SLCO3A1: variants seen among roughly 807,000 people sequenced by gnomAD.
SLCO3A1 encodes the protein PGE1 transporter.
A neutral mutation model predicts 63.1 loss-of-function variants in SLCO3A1; 27 were observed. The observed-to-expected ratio is 0.43, with a 90% CI of 0.32 to 0.59. The LOEUF (loss-of-function observed/expected upper bound fraction) is 0.59. Ranked by LOEUF, SLCO3A1 falls within the 20% of genes least tolerant of loss-of-function variation. SLCO3A1 has a pLI of 0.09. For missense variants in SLCO3A1, 773 were observed against 945.8 expected (o/e 0.82, Z 2.40); for synonymous variants, 473 against 409.9 (o/e 1.15, Z -1.86).
chr15:91,928,048 G>A (rs1053539822), intron 2 of SLCO3A1, among the ~76,000 whole-genome samples: 1 of 152,208 alleles, frequency 6.6e-6, no homozygotes, highest in African/African-American at 2.4e-5. Context: ...AGGCTATTAG[G>A]CAGTACATAG....
intron 2 of SLCO3A1, among the ~76,000 whole-genome samples, chr15:91,963,496 C>T (rs1260497008): frequency 6.6e-6 from 1 of 151,944 alleles, no homozygotes; most frequent in African/African-American, 2.4e-5. Flanking sequence ...AGAACCAATG[C>T]CCCAAATAAC....
rs140836981 is a variant in SLCO3A1, at chr15:92,094,737, C to T, written c.647-144C>T. 3.8e-3 allele frequency: 2,242 copies of T among 584,388 alleles called. 11 individuals are homozygous for T. The highest frequency in any genetic ancestry group is 5.9e-3 in the Non-Finnish European group (1,935 of 326,836). 36.2% of individuals were successfully genotyped at this position (584,388 alleles called of 1,614,324 possible). Reference sequence around the variant, plus strand: ...ATAGAGTTTCCAAAAATTAGAAATTCAGCCTTTCCCCTCTAGGATTTTTAG... The same window carrying T: ...ATAGAGTTTCCAAAAATTAGAAATTTAGCCTTTCCCCTCTAGGATTTTTAG... On this transcript the variant is annotated intron_variant, in intron 2 of 9. Transcript: ENST00000318445.
intron 1 of SLCO3A1, among the ~76,000 whole-genome samples, chr15:91,873,580 ACTTT>A (rs66864175): frequency 1.3e-5 from 2 of 151,646 alleles, no homozygotes; most frequent in Non-Finnish European, 2.9e-5. Context: ...ATACATACAT[ACTTT>A]ATTTCAGGAC....
chr15:92,010,017 A>G (rs962152478), intron 2 of SLCO3A1, among the ~76,000 whole-genome samples: 6 of 152,152 alleles, frequency 3.9e-5, no homozygotes, highest in African/African-American at 1.4e-4. Context: ...CCTCCCTGCA[A>G]TTTCACCGCA....
In SLCO3A1 at chr15:91,897,649, C is replaced by T. The variant is rs1422076103; in HGVS notation, c.181-18344C>T. ...GGTGTTTTCCCTAGCTGATGAAATG[C>T]TGGGACTGTCCTCTTGATAAAGTTA... On this transcript the variant is annotated intron_variant, in intron 1 of 9. Transcript: ENST00000318445. The surrounding 1 kb of genome is among the most constrained non-coding windows in gnomAD (Gnocchi z 4.7). Among the ~76,000 whole-genome samples, 2 of 152,188 alleles carry T rather than the reference C, an allele frequency of 1.3e-5. No individual in the cohort carries two copies.
chr15:92,149,696 T>C (rs1307814816), intron 8 of SLCO3A1: 1 of 152,204 alleles, frequency 6.6e-6, no homozygotes, highest in African/African-American at 2.4e-5. Context: ...CAAGAAGGAT[T>C]CTTCTTCTCA....
rs1365452949 is a variant in SLCO3A1 at position 91,882,812 on chromosome 15, G to A, written c.180+28724G>A. ...GCTGAGATTACAGGTGTGAGCTACC[G>A]CGCCCAGCCATGACTTCTTAATCCC... On this transcript the variant is annotated intron_variant, in intron 1 of 9. Coordinates refer to ENST00000318445, the MANE Select transcript of SLCO3A1 (RefSeq NM_013272.4). The surrounding 1 kb of genome is among the most constrained non-coding windows in gnomAD (Gnocchi z 4.4). 6.6e-5 allele frequency among the ~76,000 whole-genome samples: 10 copies of A among 152,182 alleles called. No homozygotes were observed. The highest frequency in any genetic ancestry group is 8.8e-5 in the Non-Finnish European group (6 of 68,040).
chr15:91,863,469 T>C lies in SLCO3A1; in HGVS notation c.180+9381T>C, dbSNP rs1368345392. Among the ~76,000 whole-genome samples the C allele has an allele frequency of 6.6e-6, 1 of 152,224 alleles. No homozygotes were observed. The highest frequency in any genetic ancestry group is 1.5e-5 in the Non-Finnish European group (1 of 68,042). On this transcript the variant is annotated intron_variant, in intron 1 of 9. Transcript: ENST00000318445. The surrounding 1 kb of genome is among the most constrained non-coding windows in gnomAD (Gnocchi z 4.3). ...TGTGACAGACACCATCCTTTGGCCG[T>C]TTCATTTCTCAGAGTGCTGCTGTGA...
rs149853387 is a variant in SLCO3A1 at position 91,925,185 on chromosome 15, G to T, written c.646+8727G>T. Among the ~76,000 whole-genome samples the T allele has an allele frequency of 2.0e-5, 3 of 152,290 alleles. No individual in the cohort carries two copies. In the East Asian group the frequency reaches 5.8e-4, roughly 29 times the overall value. On this transcript the variant is annotated intron_variant, in intron 2 of 9. Coordinates refer to ENST00000318445, the MANE Select transcript of SLCO3A1 (RefSeq NM_013272.4). ...CATTTCCTCTAATAACATGCGTATT[G>T]TTTCTCTTCAGTTAAGACTGTTTAC... is the stretch of plus-strand genomic sequence containing the variant.
intron 2 of SLCO3A1, among the ~76,000 whole-genome samples, chr15:92,019,591 G>T (rs985634304): frequency 2.0e-5 from 3 of 152,220 alleles, no homozygotes; most frequent in Admixed American, 6.5e-5. Context: ...TTGAGGGATG[G>T]TCAAGAGTTT....
At chr15:92,053,891 T>C (rs2046991274) in intron 2 of SLCO3A1, among the ~76,000 whole-genome samples, 1 of 152,062 alleles carries the variant, frequency 6.6e-6, no homozygotes, top group African/African-American at 2.4e-5. Context: ...TTCCTCTTTG[T>C]CTGCTGTTTG....
intron 2 of SLCO3A1, among the ~76,000 whole-genome samples, chr15:91,973,474 C>G (rs558779677): frequency 6.6e-6 from 1 of 152,270 alleles, no homozygotes; most frequent in East Asian, 1.9e-4. Flanking sequence ...AAAACAGATG[C>G]AACAGCAGGA....
At chr15:92,095,953 G>T (rs1463996578) in intron 3 of SLCO3A1, among the ~76,000 whole-genome samples, 1 of 152,206 alleles carries the variant, frequency 6.6e-6, no homozygotes, top group Non-Finnish European at 1.5e-5. Context: ...GTCACGTGGT[G>T]TATTGGTTTC....
chr15:91,928,205 G>C (rs1229667892), intron 2 of SLCO3A1, among the ~76,000 whole-genome samples: 1 of 152,240 alleles, frequency 6.6e-6, no homozygotes, highest in East Asian at 1.9e-4. Flanking sequence ...TTAAGCACAG[G>C]TGAGTTTGAA....
chr15:91,999,486 T>A (rs1383243019), intron 2 of SLCO3A1, among the ~76,000 whole-genome samples: 1 of 152,108 alleles, frequency 6.6e-6, no homozygotes, highest in Non-Finnish European at 1.5e-5. Flanking sequence ...GTAATGAGCA[T>A]AAAAAACATG....
At chr15:92,104,147 C>A in intron 3 of SLCO3A1, 132 bp from the exon 4 acceptor site, 2 of 1,001,512 alleles carry the variant, frequency 2.0e-6, no homozygotes, top group Non-Finnish European at 3.0e-6. Flanking sequence ...CGTAGCCTGG[C>A]AGCCAGTGTT....
intron 2 of SLCO3A1, among the ~76,000 whole-genome samples, chr15:91,978,320 A>G (rs1251518879): frequency 1.3e-5 from 2 of 152,184 alleles, no homozygotes; most frequent in East Asian, 1.9e-4. Context: ...TTTCTTTCTC[A>G]GTGAACTAAG....
chr15:91,976,417 C>T (rs543321465), intron 2 of SLCO3A1, among the ~76,000 whole-genome samples: 2 of 151,964 alleles, frequency 1.3e-5, no homozygotes, highest in African/African-American at 2.4e-5. Context: ...AAATGTACAG[C>T]GTATTTTACT....
chr15:92,119,402 G>A (rs1024007746), intron 4 of SLCO3A1, among the ~76,000 whole-genome samples: 1 of 152,200 alleles, frequency 6.6e-6, no homozygotes, highest in East Asian at 1.9e-4. Flanking sequence ...ATTTAAAGTG[G>A]TGCATGAACC....
Sources: gnomAD v4.1 joint callset for allele counts (sites outside exome capture counted in the v4.1 genomes callset) on GRCh38, gnomAD v4.1.1 for gene constraint, Gnocchi (gnomAD v3.1) non-coding constraint, MANE v1.5 for transcripts, NCBI Gene and HGNC (gene_info 2026-07-23, HGNC 2026-07-21) for gene names.